The following AREG variants were observed in gnomAD, a reference collection of about 807,000 sequenced individuals.
AREG encodes amphiregulin B.
Under a neutral mutation model 28.0 loss-of-function variants are expected in AREG, and 16 were observed. That is an observed-to-expected ratio of 0.57 (90% CI 0.39 to 0.87). AREG has a LOEUF of 0.87. AREG is among the 40% of genes least tolerant of loss of function. AREG has a pLI of 0.00. For missense variants in AREG, 287 were observed against 309.1 expected (o/e 0.93, Z 0.53); for synonymous variants, 113 against 113.5 (o/e 1.00, Z 0.02).
Position 74,445,197 on chromosome 4 carries a change from CCCGCCGCCCCGA to C in AREG, c.-148_-137del. The C allele has an allele frequency of 6.7e-7, 1 of 1,481,580 alleles. No individual in the cohort carries two copies. Among genetic ancestry groups the C allele is most frequent in the South Asian group, 1.3e-5 (1 of 74,262 alleles). 91.8% of individuals were successfully genotyped at this position (1,481,580 alleles called of 1,614,324 possible). A position where few individuals can be genotyped will look rare whatever the true frequency, so the allele number is the denominator to read the frequency against. ...TCCCGGGACAGCCCGAGGCGCCGCGCCCGCCGCCCCGAGCTCCCCAAGCCTTCGAGAGCGGCG... is the reference window on the plus strand; with the variant it reads ...TCCCGGGACAGCCCGAGGCGCCGCGCGCTCCCCAAGCCTTCGAGAGCGGCG... On this transcript the variant is annotated 5_prime_UTR_variant, in exon 1 of 6. Transcript: ENST00000395748.
intron 1 of AREG, among the ~76,000 whole-genome samples, chr4:74,445,854 T>A (rs904727910): frequency 5.3e-5 from 8 of 152,198 alleles, no homozygotes; most frequent in Non-Finnish European, 2.9e-5. Flanking sequence ...ACCACTCTGA[T>A]GCTGTTTTAT....
At position 74,446,638 on chromosome 4, in the gene AREG, G is replaced by A; in HGVS notation, c.166G>A (p.Glu56Lys). The A allele has an allele frequency of 1.2e-6, 2 of 1,614,012 alleles. No homozygotes were observed. The highest frequency in any genetic ancestry group is 1.7e-6 in the Non-Finnish European group (2 of 1,179,876). Residue 56 changes from glutamate to lysine, a missense_variant, in exon 2 of 6, where the codon GAG becomes AAG. By Grantham distance (56) the Glu-to-Lys change is moderately conservative. Coordinates refer to ENST00000395748, the MANE Select transcript of AREG (RefSeq NM_001657.4). ...TGGATTTGAGGTTACCTCAAGAAGT[G>A]AGATGTCTTCAGGGAGTGAGATTTC... is the stretch of plus-strand genomic sequence containing the variant. Reference protein sequence around the residue: ...ADGFEVTSRSEMSSGSEISPV... With the variant: ...ADGFEVTSRSKMSSGSEISPV...
chr4:74,448,420 G>C (rs1204212087), intron 2 of AREG, among the ~76,000 whole-genome samples: 1 of 152,054 alleles, frequency 6.6e-6, no homozygotes, highest in African/African-American at 2.4e-5. Flanking sequence ...GTTTTGTATT[G>C]AATGGGTGCT....
At position 74,449,140 on chromosome 4, in the gene AREG, A is replaced by C; in HGVS notation, c.404A>C (p.Lys135Thr). ...AAGAAAAAGGGAGGCAAAAATGGAAAAAATAGAAGAAACAGAAAGAAGAAA... is the reference window on the plus strand; with the variant it reads ...AAGAAAAAGGGAGGCAAAAATGGAACAAATAGAAGAAACAGAAAGAAGAAA... ...KRKKKGGKNG[K>T]NRRNRKKKNP... The change falls in exon 3 of 6, where the codon AAA becomes ACA. Residue 135 changes from lysine (K) to threonine (T), a missense_variant. By Grantham distance (78) the Lys-to-Thr change is moderately conservative (BLOSUM62 -1). Coordinates refer to ENST00000395748, the MANE Select transcript of AREG (RefSeq NM_001657.4). 3 of 1,612,944 alleles carry C rather than the reference A, an allele frequency of 1.9e-6. No homozygotes were observed. The highest frequency in any genetic ancestry group is 2.5e-6 in the Non-Finnish European group (3 of 1,179,736).
intron 5 of AREG, among the ~76,000 whole-genome samples, chr4:74,454,523 G>A (rs1719428035): frequency 6.6e-6 from 1 of 152,124 alleles, no homozygotes; most frequent in African/African-American, 2.4e-5. Context: ...GAGCATATGT[G>A]GACTTCTACT....
At chr4:74,450,180 C>T (rs1396890378) in intron 3 of AREG, among the ~76,000 whole-genome samples, 200 bp from the exon 4 acceptor site, 1 of 152,248 alleles carries the variant, frequency 6.6e-6, no homozygotes, top group East Asian at 1.9e-4. Flanking sequence ...TGAACTATCA[C>T]ACCCAAACTA....
In AREG at chr4:74,450,948, C is replaced by T. The variant is rs1019318300; in HGVS notation, c.665+416C>T. 2.8e-4 allele frequency among the ~76,000 whole-genome samples: 43 copies of T among 152,172 alleles called. 1 individual carries two copies. The South Asian group carries it at 5.4e-3, about 19-fold the overall frequency. On this transcript the variant is annotated intron_variant, in intron 4 of 5. Transcript: ENST00000395748. Reference sequence around the variant, plus strand: ...AGACATACTGCTTTGATACTAAAAACGACAAAGAACTACAAATCATCAGCA... The same window carrying T: ...AGACATACTGCTTTGATACTAAAAATGACAAAGAACTACAAATCATCAGCA...
At chr4:74,447,906 C>A (rs1719318695) in intron 2 of AREG, among the ~76,000 whole-genome samples, 1 of 152,146 alleles carries the variant, frequency 6.6e-6, no homozygotes, top group Non-Finnish European at 1.5e-5. Context: ...TGAGATTAGA[C>A]CCATCAAGGT....
chr4:74,451,220 G>A (rs2110412563), intron 4 of AREG, among the ~76,000 whole-genome samples: 1 of 152,210 alleles, frequency 6.6e-6, no homozygotes, highest in South Asian at 2.1e-4. Flanking sequence ...TCACTTCATG[G>A]CCAGTAAATG....
chr4:74,445,483 C>A, intron 1 of AREG, 77 bp downstream of exon 1: 1 of 1,552,366 alleles, frequency 6.4e-7, no homozygotes, highest in Non-Finnish European at 8.7e-7. Flanking sequence ...GCTCTTGCTT[C>A]TCTAAAAATC....
chr4:74,451,000 A>G (rs1719372370), intron 4 of AREG, among the ~76,000 whole-genome samples: 1 of 152,246 alleles, frequency 6.6e-6, no homozygotes, highest in African/African-American at 2.4e-5. Flanking sequence ...TTTTCTGCTC[A>G]TATTAGAATG....
rs766481063 is a variant in AREG at position 74,446,657 on chromosome 4, A to G, written c.185A>G (p.Glu62Gly). 1.9e-6 allele frequency: 3 copies of G among 1,613,974 alleles called. No individual in the cohort carries two copies. In the South Asian group the frequency reaches 3.3e-5, roughly 18 times the overall value. Residue 62 changes from glutamate to glycine, a missense_variant, in exon 2 of 6, where the codon GAG (glutamate) becomes GGG (glycine). Coordinates refer to ENST00000395748, the MANE Select transcript of AREG (RefSeq NM_001657.4). ...AGAAGTGAGATGTCTTCAGGGAGTG[A>G]GATTTCCCCTGTGAGTGAAATGCCT... ...TSRSEMSSGS[E>G]ISPVSEMPSS...
At chr4:74,452,874 A>G (rs1432260566) in intron 5 of AREG, among the ~76,000 whole-genome samples, 9 of 151,458 alleles carry the variant, frequency 5.9e-5, no homozygotes, top group Admixed American at 4.0e-4. Flanking sequence ...TATAAGAGAC[A>G]CTGGTCCAGT....
intron 1 of AREG, 33 bp downstream of exon 1, chr4:74,445,439 C>G: frequency 6.3e-7 from 1 of 1,596,280 alleles, no homozygotes; most frequent in South Asian, 1.1e-5. Flanking sequence ...CTGCTGGGCT[C>G]TCCTCCCATG....
chr4:74,454,655 A>G (rs888162895), intron 5 of AREG, 104 bp from the exon 6 acceptor site: 3 of 554,646 alleles, frequency 5.4e-6, no homozygotes, highest in Admixed American at 6.8e-5. Flanking sequence ...AGAAATTCTG[A>G]TTCCTGATTA....
intron 2 of AREG, chr4:74,448,512 A>G (rs1162723018): frequency 1.3e-5 from 2 of 153,566 alleles, no homozygotes; most frequent in Non-Finnish European, 2.9e-5. Flanking sequence ...CTCTTCAGAC[A>G]TTAGTGTAAC....
intron 2 of AREG, among the ~76,000 whole-genome samples, chr4:74,447,192 G>C (rs1421469706): frequency 6.6e-6 from 1 of 152,138 alleles, no homozygotes; most frequent in Non-Finnish European, 1.5e-5. Context: ...CCCATTCTGA[G>C]AGACAAATTT....
chr4:74,452,494 A>T lies in AREG; in HGVS notation c.666-50A>T, dbSNP rs1346727224. On this transcript the variant is annotated intron_variant, in intron 4 of 5. Transcript: ENST00000395748. Reference sequence around the variant, plus strand: ...CTACTCATAAAAACCCCAATCAAACATATAGATGAATAGAACCTTGATAAC... The same window carrying T: ...CTACTCATAAAAACCCCAATCAAACTTATAGATGAATAGAACCTTGATAAC... The T allele has an allele frequency of 1.9e-6, 3 of 1,609,390 alleles. No homozygotes were observed. The Admixed American group carries it at 5.0e-5, about 27-fold the overall frequency.
At chr4:74,448,757 A>G (rs915884911) in intron 2 of AREG, 75 of 331,898 alleles carry the variant, frequency 2.3e-4, no homozygotes, top group Admixed American at 1.4e-3. Flanking sequence ...GTGTTGGAGC[A>G]TTGTAACATA....
Sources: allele counts gnomAD v4.1 joint callset (sites outside exome capture counted in the v4.1 genomes callset), GRCh38; gene constraint gnomAD v4.1.1; transcripts MANE v1.5; gene names NCBI Gene and HGNC (gene_info 2026-07-23, HGNC 2026-07-21).